Variants in APC observed in about 807,000 individuals in gnomAD.
The protein encoded by APC is APC regulator of Wnt signaling pathway, also known as adenomatous polyposis coli protein.
APC carries 72 observed loss-of-function variants against 247.0 expected under a neutral mutation model. That is an observed-to-expected ratio of 0.29 (90% CI 0.24 to 0.35). The LOEUF (loss-of-function observed/expected upper bound fraction) is 0.35, where lower values mean the gene tolerates loss of function less well. Ranked by LOEUF, APC falls within the 10% of genes least tolerant of loss-of-function variation. The pLI, the probability that APC is intolerant of heterozygous loss-of-function variation, is 1.00. For missense variants in APC, 3,400 were observed against 3,360.7 expected, an observed-to-expected ratio of 1.01 and a Z score of -0.29; for synonymous variants, 1,254 against 1,162.5, an observed-to-expected ratio of 1.08 and a Z score of -1.60.
At chr5:112,780,245 C>T (rs896519552) in intron 5 of APC, among the ~76,000 whole-genome samples, 18 of 152,200 alleles carry the variant, frequency 1.2e-4, no homozygotes, top group South Asian at 2.1e-4. Context: ...ACTTTATCTA[C>T]TCTATTTATG....
At chr5:112,807,393 C>T (rs1480226258) in intron 8 of APC, among the ~76,000 whole-genome samples, 1 of 152,032 alleles carries the variant, frequency 6.6e-6, no homozygotes, top group African/African-American at 2.4e-5. Context: ...ACTTGTGAAT[C>T]AGCCATATAT....
At chr5:112,833,480 CGCCTGGCT>C (rs200606018) in intron 14 of APC, among the ~76,000 whole-genome samples, 1,691 of 152,138 alleles carry the variant, frequency 0.011, 19 homozygotes, top group Non-Finnish European at 0.014. Context: ...TGCGCCTGGC[CGCCTGGCT>C]ACTTTTTATA....
Position 112,839,334 on chromosome 5 carries a change from C to T in APC, c.3740C>T (p.Ala1247Val), listed in dbSNP as rs1441008398. 6.2e-7 allele frequency: 1 copy of T among 1,613,070 alleles called. No individual in the cohort carries two copies. The highest frequency in any genetic ancestry group is 1.7e-5 in the Admixed American group (1 of 59,848). The change falls in exon 16 of 16, where the codon GCC (alanine) becomes GTC (valine). Residue 1247 changes from alanine (A) to valine (V), a missense_variant. Ala to Val is a moderately conservative substitution (Grantham distance 64). Coordinates refer to ENST00000257430, the MANE Select transcript of APC (RefSeq NM_000038.6). The surrounding 1 kb of genome is among the most constrained non-coding windows in gnomAD (Gnocchi z 5.0). The stretch of plus-strand genomic sequence containing the variant: ...AGAAGTGGTCAGCCTCAAAAGGCTG[C>T]CACTTGCAAAGTTTCTTCTATTAAC... ...QSRSGQPQKA[A>V]TCKVSSINQE...
chr5:112,834,771 T>C (rs1352023413), intron 14 of APC, among the ~76,000 whole-genome samples, 180 bp from the exon 15 acceptor site: 2 of 152,208 alleles, frequency 1.3e-5, no homozygotes, highest in Non-Finnish European at 2.9e-5. Context: ...ATATCACTGA[T>C]ATAAATACTA....
chr5:112,737,909 C>T lies in APC; in HGVS notation c.-35C>T, dbSNP rs1752508375. 1.0e-6 allele frequency: 1 copy of T among 985,720 alleles called. No individual in the cohort carries two copies. The highest frequency in any genetic ancestry group is 1.2e-6 in the Non-Finnish European group (1 of 830,194). 61.1% of individuals were successfully genotyped at this position (985,720 alleles called of 1,614,324 possible). The stretch of plus-strand genomic sequence containing the variant: ...CACTGGAGACAGAATGGAGGTGCTG[C>T]CGGACTCGGAAATGGGGTAGGTGCT... On this transcript the variant is annotated 5_prime_UTR_variant, in exon 1 of 16. Transcript: ENST00000257430.
intron 1 of APC, among the ~76,000 whole-genome samples, chr5:112,750,695 A>G (rs1581108090): frequency 6.6e-6 from 1 of 152,192 alleles, no homozygotes; most frequent in African/African-American, 2.4e-5. Context: ...TCATTACTTT[A>G]GAGAACTCTA....
intron 1 of APC, among the ~76,000 whole-genome samples, chr5:112,708,299 C>A (rs1750648232): frequency 2.0e-5 from 3 of 152,170 alleles, no homozygotes; most frequent in African/African-American, 4.8e-5. Flanking sequence ...TGTGGAGTTA[C>A]AAAGAAAGGG....
intron 1 of APC, among the ~76,000 whole-genome samples, chr5:112,711,815 G>C (rs1750869453): frequency 6.6e-6 from 1 of 152,190 alleles, no homozygotes; most frequent in Non-Finnish European, 1.5e-5. Flanking sequence ...CATGTCATCA[G>C]GGCTAAGCTC....
intron 1 of APC, among the ~76,000 whole-genome samples, chr5:112,749,479 ATTTT>A (rs536428390): frequency 9.6e-6 from 1 of 104,066 alleles, no homozygotes; most frequent in Non-Finnish European, 1.9e-5. Flanking sequence ...TACTGCTCCA[ATTTT>A]TTTTTTTTTT....
intron 4 of APC, among the ~76,000 whole-genome samples, chr5:112,774,828 A>T (rs1757436302): frequency 6.6e-6 from 1 of 152,202 alleles, no homozygotes; most frequent in Admixed American, 6.5e-5. Context: ...ATACACTATA[A>T]TAATATGCTA....
intron 7 of APC, among the ~76,000 whole-genome samples, chr5:112,794,229 T>C (rs943867626): frequency 1.2e-4 from 18 of 152,018 alleles, no homozygotes; most frequent in Non-Finnish European, 1.5e-5. Context: ...GTAGCTCATG[T>C]GCCACCATGC....
chr5:112,781,006 CTG>C lies in APC; in HGVS notation c.645+107_645+108del, dbSNP rs1758279217. The C allele has an allele frequency of 6.0e-6, 5 of 827,624 alleles. No individual in the cohort carries two copies. In the Admixed American group the frequency reaches 1.0e-4, roughly 17 times the overall value. 51.3% of individuals were successfully genotyped at this position (827,624 alleles called of 1,614,324 possible). ...ATTAAATTTTATTAAAGACATAAGG[CTG>C]TGTTTATTTTGGCTCTATTTCAAAA... On this transcript the variant is annotated intron_variant, in intron 6 of 15. Coordinates refer to ENST00000257430, the MANE Select transcript of APC (RefSeq NM_000038.6).
intron 4 of APC, among the ~76,000 whole-genome samples, chr5:112,769,745 G>A (rs1257894156): frequency 6.6e-6 from 1 of 152,070 alleles, no homozygotes; most frequent in Non-Finnish European, 1.5e-5. Flanking sequence ...TTGAATATTA[G>A]TATATAGGAA....
At chr5:112,775,526 T>C (rs2149613191) in intron 4 of APC, 103 bp from the exon 5 acceptor site, 1 of 679,776 alleles carries the variant, frequency 1.5e-6, no homozygotes, top group Non-Finnish European at 2.6e-6. Context: ...TTATTAGCAC[T>C]TTAGGTAGAG....
chr5:112,839,957 A>G lies in APC; in HGVS notation c.4363A>G (p.Asn1455Asp). 6.2e-7 allele frequency: 1 copy of G among 1,614,114 alleles called. No individual in the cohort carries two copies. The highest frequency in any genetic ancestry group is 8.5e-7 in the Non-Finnish European group (1 of 1,180,016). ...TCAAACCAAGCGAGAAGTACCTAAA[A>G]ATAAAGCACCTACTGCTGAAAAGAG... ...TAQTKREVPK[N>D]KAPTAEKRES... Residue 1455 changes from asparagine to aspartate, a missense_variant, in exon 16 of 16, where the codon AAT (asparagine) becomes GAT (aspartate). By Grantham distance (23) the Asn-to-Asp change is conservative. This residue lies in a region of APC where 1,788 missense variants were observed against 1,649.5 expected (regional missense o/e 1.08). Transcript: ENST00000257430. The surrounding 1 kb of genome is among the most constrained non-coding windows in gnomAD (Gnocchi z 5.0).
chr5:112,730,632 C>G (rs1395387561), intron 1 of APC, among the ~76,000 whole-genome samples: 1 of 152,144 alleles, frequency 6.6e-6, no homozygotes, highest in Admixed American at 6.5e-5. Flanking sequence ...AATTGCATGG[C>G]CCTTTCTAAG....
intron 1 of APC, among the ~76,000 whole-genome samples, chr5:112,726,323 C>G (rs148481770): frequency 2.0e-5 from 3 of 152,146 alleles, no homozygotes; most frequent in African/African-American, 4.8e-5. Context: ...GGAGGTGGCT[C>G]TCAGTGAGAT....
In APC at chr5:112,839,105, C is replaced by T. The variant is rs201830995; in HGVS notation, c.3511C>T (p.Arg1171Cys). The T allele has an allele frequency of 3.7e-4, 590 of 1,613,954 alleles. 4 individuals are homozygous for T. The highest frequency in any genetic ancestry group is 2.3e-3 in the Middle Eastern group (14 of 6,062). ...NYSIKYNEEK[R>C]HVDQPIDYSL... is the part of the protein sequence containing the mutation. ...TAGCATAAAATATAATGAAGAGAAA[C>T]GTCATGTGGATCAGCCTATTGATTA... is the stretch of plus-strand genomic sequence containing the variant. The change falls in exon 16 of 16, where the codon CGT becomes TGT. Residue 1171 changes from arginine (R) to cysteine (C), a missense_variant. Arg to Cys is a radical substitution (Grantham distance 180). Coordinates refer to ENST00000257430, the MANE Select transcript of APC (RefSeq NM_000038.6). This position sits in a 1 kb window ranked among gnomAD's most constrained non-coding sequence, Gnocchi z 5.0.
upstream of APC, among the ~76,000 whole-genome samples, chr5:112,734,955 C>T (rs1285190633): frequency 2.6e-5 from 4 of 151,720 alleles, no homozygotes; most frequent in South Asian, 2.1e-4. Context: ...ATTAAGAATC[C>T]TATTAATCCT....
Sources: gnomAD v4.1 joint callset for allele counts (sites outside exome capture counted in the v4.1 genomes callset) on GRCh38, gnomAD v4.1.1 for gene constraint, gnomAD v4.1.1 regional missense constraint, Gnocchi (gnomAD v3.1) non-coding constraint, MANE v1.5 for transcripts, NCBI Gene and HGNC (gene_info 2026-07-23, HGNC 2026-07-21) for gene names.